Variants in HMGA2 observed in about 807,000 individuals in gnomAD.
HMGA2 encodes high mobility group protein HMGI-C.
In HMGA2, 8 loss-of-function variants were observed where a neutral mutation model predicts 19.1. The ratio of observed to expected loss-of-function variants is 0.42; its 90% CI spans 0.25 to 0.76. HMGA2 has a LOEUF of 0.76. HMGA2 is among the 30% of genes least tolerant of loss of function. The pLI, the probability that HMGA2 is intolerant of heterozygous loss-of-function variation, is 0.28. For missense variants in HMGA2, 109 were observed against 136.3 expected (o/e 0.80, Z 1.00); for synonymous variants, 60 against 48.8 (o/e 1.23, Z -0.96).
intron 3 of HMGA2, among the ~76,000 whole-genome samples, chr12:65,930,002 G>A (rs1461991956): frequency 1.3e-5 from 2 of 152,124 alleles, no homozygotes; most frequent in Non-Finnish European, 2.9e-5. Context: ...ATGAAAGATA[G>A]AAAAAGATGA....
intron 3 of HMGA2, chr12:65,859,417 T>C (rs1871928453): frequency 6.6e-6 from 1 of 152,248 alleles, no homozygotes; most frequent in Admixed American, 6.5e-5. Context: ...ATTGCTTTGC[T>C]CAGAAACTGC....
chr12:65,869,558 A>G (rs1872603601), intron 3 of HMGA2, among the ~76,000 whole-genome samples: 1 of 152,220 alleles, frequency 6.6e-6, no homozygotes, highest in Non-Finnish European at 1.5e-5. Context: ...AAAATGGGCT[A>G]GAGATAGCAG....
intron 3 of HMGA2, among the ~76,000 whole-genome samples, chr12:65,946,973 C>T (rs1178894861): frequency 6.6e-6 from 1 of 152,132 alleles, no homozygotes; most frequent in African/African-American, 2.4e-5. Flanking sequence ...TATTTATTTG[C>T]TTAAGCATTA....
intron 3 of HMGA2, among the ~76,000 whole-genome samples, chr12:65,935,736 A>G (rs1875866935): frequency 6.6e-6 from 1 of 152,242 alleles, no homozygotes; most frequent in Non-Finnish European, 1.5e-5. Context: ...CTGTTGAAGA[A>G]AAAGAAGCTT....
At chr12:65,879,052 C>T (rs1873210404) in intron 3 of HMGA2, among the ~76,000 whole-genome samples, 1 of 152,228 alleles carries the variant, frequency 6.6e-6, no homozygotes, top group African/African-American at 2.4e-5. Flanking sequence ...CCATTTTTGA[C>T]ACATAGGTAT....
chr12:65,907,243 A>T (rs189253952), intron 3 of HMGA2, among the ~76,000 whole-genome samples: 1 of 151,970 alleles, frequency 6.6e-6, no homozygotes, highest in Admixed American at 6.5e-5. Flanking sequence ...AAAAACAAAC[A>T]AACAAAAAAT....
chr12:65,833,540 G>T (rs80135639), intron 2 of HMGA2, among the ~76,000 whole-genome samples: 1 of 151,888 alleles, frequency 6.6e-6, no homozygotes, highest in South Asian at 2.1e-4. Flanking sequence ...ACCTAAACCT[G>T]ACCCTGAAGT....
intron 3 of HMGA2, among the ~76,000 whole-genome samples, chr12:65,907,888 T>C (rs1874672345): frequency 6.6e-6 from 1 of 152,194 alleles, no homozygotes; most frequent in Admixed American, 6.5e-5. Context: ...TTTCAACGAC[T>C]GTGTGACCTA....
chr12:65,960,268 CTT>C (rs955606974), intron 4 of HMGA2, among the ~76,000 whole-genome samples: 5 of 152,190 alleles, frequency 3.3e-5, no homozygotes, highest in African/African-American at 1.2e-4. Flanking sequence ...AAACAGGACT[CTT>C]TGGGGATGTC....
intron 4 of HMGA2, among the ~76,000 whole-genome samples, chr12:65,962,730 A>C (rs370752031): frequency 2.6e-4 from 39 of 152,166 alleles, no homozygotes; most frequent in African/African-American, 6.5e-4. Context: ...TGGTTTTCTC[A>C]GATGTAAAAC....
rs541351326 is a variant in HMGA2, at chr12:65,932,873, T to C, written c.250-18510T>C. Among the ~76,000 whole-genome samples, 5 of 152,336 alleles carry C rather than the reference T, an allele frequency of 3.3e-5. No homozygotes were observed. In the South Asian group the frequency reaches 8.3e-4, roughly 25 times the overall value. On this transcript the variant is annotated intron_variant, in intron 3 of 4. Coordinates refer to ENST00000403681, the MANE Select transcript of HMGA2 (RefSeq NM_003483.6). Reference sequence around the variant, plus strand: ...CTAAAGCAGCCATCTTTCAAAAGGATGTCCTCACTTTATAAAAAACAATTA... The same window carrying C: ...CTAAAGCAGCCATCTTTCAAAAGGACGTCCTCACTTTATAAAAAACAATTA...
At chr12:65,959,543 T>C (rs1259534525) in intron 4 of HMGA2, among the ~76,000 whole-genome samples, 1 of 152,194 alleles carries the variant, frequency 6.6e-6, no homozygotes, top group Non-Finnish European at 1.5e-5. Context: ...GGCTGGGAGC[T>C]TTTCGGTGTT....
intron 3 of HMGA2, among the ~76,000 whole-genome samples, chr12:65,949,453 C>T (rs1876381520): frequency 6.6e-6 from 1 of 152,096 alleles, no homozygotes; most frequent in Non-Finnish European, 1.5e-5. Flanking sequence ...TGCAAGAAAG[C>T]ATGTCGCTAT....
rs181726120 is a variant in HMGA2, at chr12:65,909,887, A to G, written c.250-41496A>G. ...GTTCAGGTGGAGACCTCTGGCTTCCACATTCACACCCTCGGTGACCTATTT... is the reference window on the plus strand; with the variant it reads ...GTTCAGGTGGAGACCTCTGGCTTCCGCATTCACACCCTCGGTGACCTATTT... On this transcript the variant is annotated intron_variant, in intron 3 of 4. Transcript: ENST00000403681. 2.0e-4 allele frequency among the ~76,000 whole-genome samples: 31 copies of G among 152,372 alleles called. No homozygotes were observed. In the East Asian group the frequency reaches 5.8e-3, roughly 28 times the overall value.
At chr12:65,934,806 G>T (rs1369873849) in intron 3 of HMGA2, 1 of 152,202 alleles carries the variant, frequency 6.6e-6, no homozygotes, top group African/African-American at 2.4e-5. Context: ...TGAAGACCCT[G>T]CATGAGTGGT....
At chr12:65,843,722 A>G (rs1565705032) in intron 3 of HMGA2, among the ~76,000 whole-genome samples, 1 of 152,068 alleles carries the variant, frequency 6.6e-6, no homozygotes, top group African/African-American at 2.4e-5. Context: ...ACACAAAACA[A>G]AAACTTTTAG....
At chr12:65,963,066 C>T (rs969194809) in intron 4 of HMGA2, among the ~76,000 whole-genome samples, 179 bp from the exon 5 acceptor site, 1 of 152,122 alleles carries the variant, frequency 6.6e-6, no homozygotes, top group African/African-American at 2.4e-5. Context: ...AAAAACAACA[C>T]CTTGATTCCT....
intron 3 of HMGA2, chr12:65,867,653 C>A: frequency 3.3e-6 from 1 of 304,330 alleles, no homozygotes; most frequent in East Asian, 7.6e-5. Flanking sequence ...CTTGTGGGGA[C>A]ACAGAGTTGA....
At chr12:65,950,648 T>C (rs918694826) in intron 3 of HMGA2, among the ~76,000 whole-genome samples, 51 of 152,212 alleles carry the variant, frequency 3.4e-4, no homozygotes, top group African/African-American at 1.2e-3. Context: ...GTGGTGATGG[T>C]TGCACAACCC....
Sources: gnomAD v4.1 joint callset for allele counts (sites outside exome capture counted in the v4.1 genomes callset) on GRCh38, gnomAD v4.1.1 for gene constraint, MANE v1.5 for transcripts, NCBI Gene and HGNC (gene_info 2026-07-23, HGNC 2026-07-21) for gene names.